PDE1A: variants seen among roughly 807,000 people sequenced by gnomAD.
PDE1A encodes the protein dual specificity calcium/calmodulin-dependent 3',5'-cyclic nucleotide phosphodiesterase 1A.
PDE1A carries 35 observed loss-of-function variants against 61.7 expected under a neutral mutation model. That is an observed-to-expected ratio of 0.57 (90% CI 0.43 to 0.75). PDE1A has a LOEUF of 0.75. PDE1A is among the 30% of genes least tolerant of loss of function. The pLI, the probability that PDE1A is intolerant of heterozygous loss-of-function variation, is 0.00. For missense variants in PDE1A, 597 were observed against 630.6 expected, an observed-to-expected ratio of 0.95 and a Z score of 0.57; for synonymous variants, 232 against 213.2, an observed-to-expected ratio of 1.09 and a Z score of -0.77.
chr2:182,527,296 T>A, upstream of PDE1A, among the ~76,000 whole-genome samples: 1 of 93,448 alleles, frequency 1.1e-5, no homozygotes, highest in Non-Finnish European at 2.0e-5. Context: ...GTGAAACCCT[T>A]TCTCTATAAA....
chr2:182,616,619 T>A, the PDE1A span, among the ~76,000 whole-genome samples: 2 of 152,216 alleles, frequency 1.3e-5, no homozygotes, highest in African/African-American at 2.4e-5. Flanking sequence ...CTGGAGCCAA[T>A]TATTTGTCTT....
chr2:182,563,145 A>G, the PDE1A span, among the ~76,000 whole-genome samples: 43 of 152,022 alleles, frequency 2.8e-4, no homozygotes, highest in East Asian at 1.7e-3. Context: ...TAATTGTGAT[A>G]TTAGGGTGTC....
At chr2:182,515,939 CGTGT>C (rs894496842) in intron 2 of PDE1A, among the ~76,000 whole-genome samples, 2 of 107,984 alleles carry the variant, frequency 1.9e-5, no homozygotes, top group African/African-American at 6.8e-5. Context: ...AGGGATTGTG[CGTGT>C]GTGTGTGTTT....
the PDE1A span, among the ~76,000 whole-genome samples, chr2:182,542,655 G>A: frequency 2.0e-5 from 3 of 151,806 alleles, no homozygotes; most frequent in African/African-American, 4.8e-5. Context: ...GCCTATTTAG[G>A]GAATAGAAAT....
At chr2:182,278,236 G>A (rs78768913) in intron 1 of PDE1A, among the ~76,000 whole-genome samples, 11 of 152,134 alleles carry the variant, frequency 7.2e-5, no homozygotes, top group Middle Eastern at 3.4e-3. Flanking sequence ...ATTTAAGGAT[G>A]TGATTTAACA....
rs1048038263 is a variant in PDE1A, at chr2:182,373,834, G to T, written c.53+52744C>A. On this transcript the variant is annotated intron_variant, in intron 1 of 13. Transcript: ENST00000351439. Reference sequence around the variant, plus strand: ...AATGCTTGGGGGAGATATATGACAAGAAAACAAGAGGAAATGTTATTAATA... The same window carrying T: ...AATGCTTGGGGGAGATATATGACAATAAAACAAGAGGAAATGTTATTAATA... Among the ~76,000 whole-genome samples, 8 of 152,122 alleles carry T rather than the reference G, an allele frequency of 5.3e-5. No individual in the cohort carries two copies. The East Asian group carries it at 1.5e-3, about 29-fold the overall frequency.
intron 2 of PDE1A, among the ~76,000 whole-genome samples, chr2:182,512,401 C>T (rs1474375230): frequency 6.6e-6 from 1 of 152,144 alleles, no homozygotes; most frequent in Non-Finnish European, 1.5e-5. Flanking sequence ...CAACTTATAC[C>T]ACAGTCAAAC....
At chr2:182,690,140 A>G in the PDE1A span, among the ~76,000 whole-genome samples, 2 of 152,216 alleles carry the variant, frequency 1.3e-5, no homozygotes, top group African/African-American at 4.8e-5. Context: ...AAACTATTCC[A>G]ATCAATAGAA....
At position 182,212,708 on chromosome 2, in the gene PDE1A, C is replaced by T. The variant is rs976886739; in HGVS notation, c.777-6643G>A. 1.6e-4 allele frequency among the ~76,000 whole-genome samples: 24 copies of T among 152,208 alleles called. 1 individual carries two copies. The highest frequency in any genetic ancestry group is 1.2e-3 in the South Asian group (6 of 4,826). On this transcript the variant is annotated intron_variant, in intron 7 of 13. Transcript: ENST00000351439. Reference sequence around the variant, plus strand: ...CCACCCGAATACTGCGCTTTTCTGACGGGCTTAAAAAATGGCGCACCACGA... The same window carrying T: ...CCACCCGAATACTGCGCTTTTCTGATGGGCTTAAAAAATGGCGCACCACGA...
chr2:182,218,431 AAAAC>A lies in PDE1A; in HGVS notation c.776+5429_776+5432del, dbSNP rs201925315. Among the ~76,000 whole-genome samples, 1,269 of 152,272 alleles carry A rather than the reference AAAAC, an allele frequency of 8.3e-3. 13 individuals carry two copies. Among genetic ancestry groups the A allele is most frequent in the South Asian group, 0.051 (245 of 4,818 alleles). On this transcript the variant is annotated intron_variant, in intron 7 of 13. Coordinates refer to ENST00000351439, the Ensembl canonical transcript of PDE1A. ...ACTTAAAGTATAATAAAAAATTAAAAAAACAAGAAAAAAAAGAATACAATGCATT... is the reference window on the plus strand; with the variant it reads ...ACTTAAAGTATAATAAAAAATTAAAAAAGAAAAAAAAGAATACAATGCATT...
intron 2 of PDE1A, among the ~76,000 whole-genome samples, chr2:182,477,669 G>A (rs1228518507): frequency 6.6e-6 from 1 of 151,834 alleles, no homozygotes; most frequent in Non-Finnish European, 1.5e-5. Flanking sequence ...TTAATTTCAT[G>A]CCACAAAACA....
chr2:182,221,842 C>A (rs1688754074), intron 7 of PDE1A, among the ~76,000 whole-genome samples: 1 of 152,020 alleles, frequency 6.6e-6, no homozygotes, highest in South Asian at 2.1e-4. Flanking sequence ...TGACCAAGTG[C>A]ATATAGACAG....
intron 1 of PDE1A, among the ~76,000 whole-genome samples, chr2:182,370,099 C>T (rs1700047129): frequency 6.6e-6 from 1 of 152,020 alleles, no homozygotes; most frequent in African/African-American, 2.4e-5. Context: ...ATCCCTTGAA[C>T]CTGGTAGGCA....
intron 8 of PDE1A, 30 bp downstream of exon 8, chr2:182,205,910 A>C: frequency 1.3e-6 from 2 of 1,573,052 alleles, no homozygotes; most frequent in East Asian, 4.5e-5. Flanking sequence ...CCTGAAATTA[A>C]ATTTCCTCTA....
chr2:182,692,324 G>C, the PDE1A span, among the ~76,000 whole-genome samples: 2 of 152,066 alleles, frequency 1.3e-5, no homozygotes, highest in Non-Finnish European at 2.9e-5. Flanking sequence ...TATACACCAC[G>C]GAATACTATG....
At chr2:182,143,311 C>CAAAAA (rs5836825), downstream of PDE1A, among the ~76,000 whole-genome samples, 1 of 151,002 alleles carries the variant, frequency 6.6e-6, no homozygotes. Flanking sequence ...TCCACAATTT[C>CAAAAA]AAAAAAAAAC....
chr2:182,670,789 T>C, the PDE1A span, among the ~76,000 whole-genome samples: 34 of 152,280 alleles, frequency 2.2e-4, 1 homozygote, highest in African/African-American at 7.7e-4. Context: ...AGTAGGACTA[T>C]GGTAGAACCT....
Position 182,194,557 on chromosome 2 carries a change from T to C in PDE1A, c.1126-5497A>G, listed in dbSNP as rs911972202. On this transcript the variant is annotated intron_variant, in intron 10 of 13. Transcript: ENST00000351439. Reference sequence around the variant, plus strand: ...CCTTGGAAATGAGAACTCGCTCTACTGCCTTTTACCATTAGCAGCTTATTC... The same window carrying C: ...CCTTGGAAATGAGAACTCGCTCTACCGCCTTTTACCATTAGCAGCTTATTC... Among the ~76,000 whole-genome samples, 7 of 152,214 alleles carry C rather than the reference T, an allele frequency of 4.6e-5. 1 individual carries two copies. The East Asian group carries it at 7.7e-4, about 17-fold the overall frequency.
the PDE1A span, among the ~76,000 whole-genome samples, chr2:182,581,524 T>G: frequency 1.3e-5 from 2 of 152,214 alleles, no homozygotes; most frequent in African/African-American, 4.8e-5. Flanking sequence ...TTGGGAGACC[T>G]GCACCCATGT....
Sources: allele counts gnomAD v4.1 joint callset (sites outside exome capture counted in the v4.1 genomes callset), GRCh38; gene constraint gnomAD v4.1.1; transcripts MANE v1.5; gene names NCBI Gene and HGNC (gene_info 2026-07-23, HGNC 2026-07-21).